Variants in PCDH15 observed in about 807,000 individuals in gnomAD.
PCDH15 encodes the protein protocadherin related 15, also known as protocadherin-15.
A neutral mutation model predicts 178.5 loss-of-function variants in PCDH15; 129 were observed. The ratio of observed to expected loss-of-function variants is 0.72; its 90% confidence interval spans 0.63 to 0.84. PCDH15 has a LOEUF of 0.84. PCDH15 is among the 40% of genes least tolerant of loss of function. The pLI is 0.00. For synonymous variants in PCDH15, 800 were observed against 732.0 expected (o/e 1.09, Z -1.50); for missense variants, 2,230 against 2,099.9 (o/e 1.06, Z -1.21).
At chr10:54,114,842 G>GGCTA (rs1295367636) in intron 15 of PCDH15, among the ~76,000 whole-genome samples, 1 of 152,164 alleles carries the variant, frequency 6.6e-6, no homozygotes, top group Non-Finnish European at 1.5e-5. Context: ...AGGTCAGTAA[G>GGCTA]GCTAGAGTGG....
intron 15 of PCDH15, among the ~76,000 whole-genome samples, chr10:54,113,777 T>G (rs537146759): frequency 2.4e-4 from 36 of 152,250 alleles, no homozygotes; most frequent in African/African-American, 8.4e-4. Flanking sequence ...TCCTTTACTA[T>G]TAATTATATT....
At chr10:55,187,984 T>C (rs1839842793) in intron 1 of PCDH15, among the ~76,000 whole-genome samples, 1 of 151,956 alleles carries the variant, frequency 6.6e-6, no homozygotes, top group Admixed American at 6.6e-5. Flanking sequence ...TAGGACGCTA[T>C]GGCAATGGTC....
At chr10:54,047,275 G>C (rs1270706824) in intron 18 of PCDH15, among the ~76,000 whole-genome samples, 2 of 151,334 alleles carry the variant, frequency 1.3e-5, no homozygotes, top group Admixed American at 1.3e-4. Flanking sequence ...CATTATCTTT[G>C]CCTGTCCCAT....
chr10:54,357,188 G>A (rs1365717418), intron 5 of PCDH15, among the ~76,000 whole-genome samples: 1 of 152,162 alleles, frequency 6.6e-6, no homozygotes, highest in East Asian at 1.9e-4. Context: ...AGGAAATAAA[G>A]GGTATTCAAT....
Position 54,421,857 on chromosome 10 carries a change from ATATATACACACAC to A in PCDH15, c.158-42928_158-42916del, listed in dbSNP as rs1437921605. Among the ~76,000 whole-genome samples, 344 of 90,600 alleles carry A rather than the reference ATATATACACACAC, an allele frequency of 3.8e-3. 4 individuals carry two copies. The highest frequency in any genetic ancestry group is 8.2e-3 in the African/African-American group (168 of 20,562). The allele number at this position is 90,600 out of a possible 152,430, so 59.4% of individuals were successfully genotyped here. ...ATATATACACACACACTATATATAT[ATATATACACACAC>A]TATATATATATATACACACACACAC... On this transcript the variant is annotated intron_variant, in intron 3 of 37. Transcript: ENST00000644397.
intron 2 of PCDH15, among the ~76,000 whole-genome samples, chr10:55,356,381 A>T (rs141861278): frequency 1.7e-3 from 256 of 151,982 alleles, no homozygotes; most frequent in African/African-American, 5.8e-3. Context: ...TTGATCCTCC[A>T]CTATTTTTGC....
At chr10:54,560,899 T>A (rs75850275) in intron 2 of PCDH15, among the ~76,000 whole-genome samples, 2,865 of 152,210 alleles carry the variant, frequency 0.019, 87 homozygotes, top group African/African-American at 0.065. Context: ...TGGGTTGTGT[T>A]TGTGTCCTTG....
At chr10:55,173,263 G>C (rs1034804782) in intron 1 of PCDH15, among the ~76,000 whole-genome samples, 2 of 149,582 alleles carry the variant, frequency 1.3e-5, no homozygotes, top group African/African-American at 4.9e-5. Context: ...TCATAGGGAG[G>C]GGAAGTGACA....
chr10:55,460,783 A>G (rs530364350), intron 2 of PCDH15, among the ~76,000 whole-genome samples: 18 of 152,150 alleles, frequency 1.2e-4, no homozygotes, highest in African/African-American at 4.3e-4. Context: ...TATGCCAGAC[A>G]TTGTATATTT....
At chr10:53,855,920 A>ATATATATATATATGTGTGTGTGTG (rs1201156130) in intron 28 of PCDH15, among the ~76,000 whole-genome samples, 2 of 140,410 alleles carry the variant, frequency 1.4e-5, no homozygotes, top group South Asian at 4.8e-4. Context: ...ATATATATAT[A>ATATATATATATATGTGTGTGTGTG]TGTATGTGTG....
intron 3 of PCDH15, among the ~76,000 whole-genome samples, chr10:54,505,192 C>A (rs1020997341): frequency 2.6e-5 from 4 of 152,080 alleles, no homozygotes; most frequent in African/African-American, 7.2e-5. Context: ...TAAGAAAAAT[C>A]TTTTTTCCAT....
chr10:55,283,904 C>A (rs941820559), intron 1 of PCDH15, among the ~76,000 whole-genome samples: 1 of 147,998 alleles, frequency 6.8e-6, no homozygotes, highest in African/African-American at 2.7e-5. Flanking sequence ...TAGCTGTCAT[C>A]ATCATTTTTG....
At chr10:55,409,242 G>T (rs1016324466) in intron 2 of PCDH15, among the ~76,000 whole-genome samples, 1 of 152,036 alleles carries the variant, frequency 6.6e-6, no homozygotes, top group Admixed American at 6.6e-5. Flanking sequence ...TGCCCCGGTA[G>T]CACCCCTAGT....
chr10:54,108,495 C>T (rs538253526), intron 15 of PCDH15, among the ~76,000 whole-genome samples: 2 of 152,286 alleles, frequency 1.3e-5, no homozygotes, highest in Non-Finnish European at 2.9e-5. Flanking sequence ...ACTTAAGTTC[C>T]AGCCAGCCTT....
intron 2 of PCDH15, among the ~76,000 whole-genome samples, chr10:55,601,495 G>C (rs913888058): frequency 1.2e-4 from 18 of 152,108 alleles, no homozygotes; most frequent in African/African-American, 4.3e-4. Flanking sequence ...AGATCATGCA[G>C]AATTATATAC....
intron 21 of PCDH15, among the ~76,000 whole-genome samples, chr10:53,964,443 A>AATTTTATTTATTCATAAAATTTTTATAG (rs1229969910): frequency 4.7e-5 from 1 of 21,262 alleles, no homozygotes; most frequent in Non-Finnish European, 9.9e-5. Flanking sequence ...AATTTTTATA[A>AATTTTATTTATTCATAAAATTTTTATAG]AATTTTATTT....
intron 2 of PCDH15, among the ~76,000 whole-genome samples, chr10:54,987,187 A>G (rs889155488): frequency 6.6e-6 from 1 of 152,138 alleles, no homozygotes; most frequent in Non-Finnish European, 1.5e-5. Context: ...CCTGCAGAGG[A>G]CATGAACTCA....
intron 15 of PCDH15, among the ~76,000 whole-genome samples, chr10:54,091,049 G>A (rs750969594): frequency 5.3e-5 from 8 of 152,118 alleles, no homozygotes; most frequent in African/African-American, 7.2e-5. Context: ...TTTGAGTTCC[G>A]AGTTTCTCTT....
chr10:53,847,697 C>T (rs1475133679), intron 28 of PCDH15, among the ~76,000 whole-genome samples: 1 of 152,054 alleles, frequency 6.6e-6, no homozygotes. Flanking sequence ...TTGGCCCTAA[C>T]AAGGTGACAG....
Sources: gnomAD v4.1 joint callset for allele counts (sites outside exome capture counted in the v4.1 genomes callset) on GRCh38, gnomAD v4.1.1 for gene constraint, MANE v1.5 for transcripts, NCBI Gene and HGNC (gene_info 2026-07-23, HGNC 2026-07-21) for gene names.